Variants in KDM5B observed in about 807,000 individuals in gnomAD.
KDM5B encodes lysine-specific demethylase 5B.
KDM5B carries 144 observed loss-of-function variants against 193.4 expected under a neutral mutation model. The observed-to-expected ratio is 0.74, with a 90% CI of 0.65 to 0.86. KDM5B has a LOEUF of 0.86. Among genes scored for constraint, KDM5B ranks in the 40% least tolerant of loss-of-function variants. The pLI, the probability that KDM5B is intolerant of heterozygous loss-of-function variation, is 0.00. For synonymous variants in KDM5B, 668 were observed against 682.6 expected, an observed-to-expected ratio of 0.98 and a Z score of 0.33; for missense variants, 1,833 against 1,886.9, an observed-to-expected ratio of 0.97 and a Z score of 0.53.
chr1:202,745,713 C>T (rs537070883), intron 16 of KDM5B, 145 bp downstream of exon 16: 16 of 839,928 alleles, frequency 1.9e-5, no homozygotes, highest in Admixed American at 1.2e-4. Context: ...CCTTCTCTGC[C>T]GGTGCTCTGT....
At chr1:202,766,613 C>A in intron 5 of KDM5B, 1 of 445,038 alleles carries the variant, frequency 2.2e-6, no homozygotes, top group East Asian at 5.6e-5. Flanking sequence ...CTCCATTAAA[C>A]AACGCCAATT....
Position 202,746,130 on chromosome 1 carries a change from C to T in KDM5B, c.2198+12G>A. 6.2e-7 allele frequency: 1 copy of T among 1,600,374 alleles called. No individual in the cohort carries two copies. Among genetic ancestry groups the T allele is most frequent in the Admixed American group, 1.8e-5 (1 of 57,048 alleles). Reference sequence around the variant, plus strand: ...GTTTTCCATAGGAAAAAAAATCGTTCTTCCTACTTACCGCAATTTATATTT... The same window carrying T: ...GTTTTCCATAGGAAAAAAAATCGTTTTTCCTACTTACCGCAATTTATATTT... On this transcript the variant is annotated intron_variant, in intron 15 of 26. Coordinates refer to ENST00000367265, the MANE Select transcript of KDM5B (RefSeq NM_006618.5).
chr1:202,735,299 A>C, intron 22 of KDM5B, 130 bp downstream of exon 22: 1 of 973,510 alleles, frequency 1.0e-6, no homozygotes, highest in South Asian at 1.8e-5. Flanking sequence ...AATTTTCAAA[A>C]AGTCTTTTTA....
At chr1:202,756,757 A>G (rs1393580602) in intron 9 of KDM5B, among the ~76,000 whole-genome samples, 2 of 152,190 alleles carry the variant, frequency 1.3e-5, no homozygotes, top group African/African-American at 2.4e-5. Context: ...TGACCGGGAG[A>G]TATTTCTGTG....
At position 202,729,053 on chromosome 1, in the gene KDM5B, C is replaced by G; in HGVS notation, c.4618G>C (p.Ala1540Pro). 6.2e-7 allele frequency: 1 copy of G among 1,613,984 alleles called. No individual in the cohort carries two copies. The stretch of plus-strand genomic sequence containing the variant: ...TTGTGTTTTTACTTTCGGCTTGGTG[C>G]GTCCTTCACAGTACAGCGCACACAG... The part of the protein sequence containing the change: ...YICVRCTVKD[A>P]PSRK The change falls in exon 27 of 27, where the codon GCA (alanine) becomes CCA (proline). Residue 1540 changes from alanine (A) to proline (P), a missense_variant. Physicochemically the swap from Ala to Pro is conservative, Grantham distance 27. Around this residue, in one of 3 missense-constraint regions of KDM5B, gnomAD observed 1,379 missense variants for 1,349.6 expected, o/e 1.02. Coordinates refer to ENST00000367265, the MANE Select transcript of KDM5B (RefSeq NM_006618.5).
intron 7 of KDM5B, 135 bp downstream of exon 7, chr1:202,762,564 T>C: frequency 3.0e-6 from 2 of 657,386 alleles, no homozygotes; most frequent in South Asian, 3.7e-5. Flanking sequence ...AAGATATTTT[T>C]ATTGTCAGAC....
In KDM5B at chr1:202,742,775, T is replaced by C. The variant is rs753357612; in HGVS notation, c.2354A>G (p.Glu785Gly). ...GTCTGGGAATTTCTTCATTTCAGAT[T>C]CTTCAATTAAAGCCTTGAAGCTGAC... ...SLVSFKALIE[E>G]SEMKKFPDND... Residue 785 changes from glutamate (E) to glycine (G), a missense_variant, in exon 17 of 27, where the codon GAA becomes GGA. By Grantham distance (98) the Glu-to-Gly change is moderately conservative (BLOSUM62 -2). Around this residue, in one of 3 missense-constraint regions of KDM5B, gnomAD observed 1,379 missense variants for 1,349.6 expected, o/e 1.02. Transcript: ENST00000367265. 1.2e-6 allele frequency: 2 copies of C among 1,614,136 alleles called. No homozygotes were observed. Among genetic ancestry groups the C allele is most frequent in the Non-Finnish European group, 1.7e-6 (2 of 1,179,982 alleles).
rs114580980 is a variant in KDM5B, at chr1:202,800,638, G to C, written c.204+7464C>G. Among the ~76,000 whole-genome samples, 1,037 of 152,290 alleles carry C rather than the reference G, an allele frequency of 6.8e-3. 15 individuals are homozygous for C. Among genetic ancestry groups the C allele is most frequent in the African/African-American group, 0.024 (1,005 of 41,562 alleles). ...TTACAGGTGAGAGCCACCATGCCTG[G>C]CTAGAACATCATTCTGTTTCTTGGT... is the stretch of plus-strand genomic sequence containing the variant. On this transcript the variant is annotated intron_variant, in intron 1 of 26. Coordinates refer to ENST00000367265, the MANE Select transcript of KDM5B (RefSeq NM_006618.5).
At chr1:202,773,458 T>C (rs1241616100) in intron 3 of KDM5B, among the ~76,000 whole-genome samples, 170 bp from the exon 4 acceptor site, 1 of 152,074 alleles carries the variant, frequency 6.6e-6, no homozygotes, top group African/African-American at 2.4e-5. Context: ...CACTATTAAT[T>C]TTAAGTTAGA....
chr1:202,746,002 A>G lies in KDM5B; in HGVS notation c.2199-20T>C. On this transcript the variant is annotated intron_variant, in intron 15 of 26. Coordinates refer to ENST00000367265, the MANE Select transcript of KDM5B (RefSeq NM_006618.5). ...CTATACCTGGAAATAATACCACCAC[A>G]CTTAGCTTTGAGACGTGTAGCTTTG... is the stretch of plus-strand genomic sequence containing the variant. The G allele has an allele frequency of 1.2e-6, 2 of 1,613,634 alleles. No homozygotes were observed. Among genetic ancestry groups the G allele is most frequent in the South Asian group, 1.1e-5 (1 of 91,058 alleles).
At position 202,727,739 on chromosome 1, in the gene KDM5B, CTG is replaced by C. The variant is rs1448965528; in HGVS notation, c.*1295_*1296del. 6.6e-6 allele frequency: 1 copy of C among 152,662 alleles called. No individual in the cohort carries two copies. The highest frequency in any genetic ancestry group is 2.4e-5 in the African/African-American group (1 of 41,454). The allele number at this position is 152,662 out of a possible 1,614,324, so 9.5% of individuals were successfully genotyped here. The stretch of plus-strand genomic sequence containing the variant: ...GAGAAAGGAAACCAGGAGGCAGAGT[CTG>C]GGAATTCACAAGTCTCCTCTCAAGA... On this transcript the variant is annotated 3_prime_UTR_variant, in exon 27 of 27. Transcript: ENST00000367265.
At position 202,741,387 on chromosome 1, in the gene KDM5B, G is replaced by A; in HGVS notation, c.2925C>T (p.Ala975=). 1.3e-6 allele frequency: 2 copies of A among 1,552,676 alleles called. No individual in the cohort carries two copies. Among genetic ancestry groups the A allele is most frequent in the Non-Finnish European group, 1.7e-6 (2 of 1,151,440 alleles). ...LTVSEHWDDK[A]KSLLKARPRH... is the part of the protein sequence containing the mutation. ...TTCACCTGGCCTTGAGGAGACTCTT[G>A]GCTTTGTCGTCCCAGTGCTCTGACA... Residue 975 remains alanine (A), a synonymous_variant, in exon 19 of 27, where the codon GCC becomes GCT. Transcript: ENST00000367265.
intron 4 of KDM5B, among the ~76,000 whole-genome samples, chr1:202,772,912 G>C (rs778501673): frequency 1.1e-4 from 16 of 152,252 alleles, no homozygotes; most frequent in Middle Eastern, 3.4e-3. Flanking sequence ...GGCCAGGCTG[G>C]TCTCAAACTC....
chr1:202,792,566 T>G (rs1035146358), intron 1 of KDM5B, among the ~76,000 whole-genome samples: 1 of 152,188 alleles, frequency 6.6e-6, no homozygotes, highest in African/African-American at 2.4e-5. Context: ...ATGGGCTAAG[T>G]TCAAAAATAC....
At position 202,733,843 on chromosome 1, in the gene KDM5B, A is replaced by C; in HGVS notation, c.3467T>G (p.Leu1156Trp). ...TTCATTGGCGAGTCTGAGAGACTGC[A>C]AGGCTTCCATTTCCCTTAGGCGAGC... ...GEARLREMEA[L>W]QSLRLANEGK... The change falls in exon 23 of 27, where the codon TTG becomes TGG. Residue 1156 changes from leucine to tryptophan, a missense_variant. Leu to Trp is a moderately conservative substitution (Grantham distance 61). Coordinates refer to ENST00000367265, the MANE Select transcript of KDM5B (RefSeq NM_006618.5). 1 of 1,613,766 alleles carries C rather than the reference A, an allele frequency of 6.2e-7. No individual in the cohort carries two copies. The highest frequency in any genetic ancestry group is 8.5e-7 in the Non-Finnish European group (1 of 1,179,832).
chr1:202,773,390 T>G (rs1377539630), intron 3 of KDM5B, 102 bp from the exon 4 acceptor site: 1 of 918,364 alleles, frequency 1.1e-6, no homozygotes, highest in Non-Finnish European at 1.7e-6. Context: ...GGTTATCTTT[T>G]AAAAACATGT....
chr1:202,771,124 G>A (rs1238227620), intron 4 of KDM5B, among the ~76,000 whole-genome samples: 1 of 152,196 alleles, frequency 6.6e-6, no homozygotes, highest in East Asian at 1.9e-4. Context: ...AGTTCAAGAA[G>A]AGAAAATTAA....
chr1:202,775,781 A>G (rs1205285513), intron 2 of KDM5B, among the ~76,000 whole-genome samples: 1 of 143,334 alleles, frequency 7.0e-6, no homozygotes, highest in Non-Finnish European at 1.5e-5. Flanking sequence ...ACTTGAACCT[A>G]AGAGGCAGAG....
Position 202,750,744 on chromosome 1 carries a change from A to G in KDM5B, c.1736T>C (p.Val579Ala). 1 of 1,614,108 alleles carries G rather than the reference A, an allele frequency of 6.2e-7. No individual in the cohort carries two copies. Among genetic ancestry groups the G allele is most frequent in the Non-Finnish European group, 8.5e-7 (1 of 1,179,942 alleles). ...YRTNQCAGEF[V>A]ITFPRAYHSG... ...GTGGTAGGCTCTTGGAAATGTAATC[A>G]CAAACTCCCCAGCACACTGATTAGT... Residue 579 changes from valine to alanine, a missense_variant, in exon 13 of 27, where the codon GTG becomes GCG. This residue lies in a region of KDM5B where 1,379 missense variants were observed against 1,349.6 expected (regional missense o/e 1.02). Transcript: ENST00000367265.
Sources: gnomAD v4.1 joint callset for allele counts (sites outside exome capture counted in the v4.1 genomes callset) on GRCh38, gnomAD v4.1.1 for gene constraint, gnomAD v4.1.1 regional missense constraint, MANE v1.5 for transcripts, NCBI Gene and HGNC (gene_info 2026-07-23, HGNC 2026-07-21) for gene names.